MAF: variants seen among roughly 807,000 people sequenced by gnomAD.
The protein encoded by MAF is MAF bZIP transcription factor, also known as transcription factor Maf.
In MAF, 10 loss-of-function variants were observed where a neutral mutation model predicts 22.0. The ratio of observed to expected loss-of-function variants is 0.45; its 90% CI spans 0.28 to 0.77. MAF has a LOEUF of 0.77. Ranked by LOEUF, MAF falls within the 30% of genes least tolerant of loss-of-function variation. The probability of loss-of-function intolerance (pLI) is 0.12; values close to 1 mark genes in which losing one functional copy is unlikely to be tolerated. For synonymous variants in MAF, 337 were observed against 255.8 expected (o/e 1.32, Z -3.03); for missense variants, 544 against 548.4 (o/e 0.99, Z 0.08).
chr16:79,245,513 T>C, the MAF span, among the ~76,000 whole-genome samples: 6 of 151,972 alleles, frequency 3.9e-5, no homozygotes, highest in Admixed American at 6.6e-5. Context: ...TGAGATACCA[T>C]CTCACACCAG....
At chr16:79,557,412 C>T in the MAF span, among the ~76,000 whole-genome samples, 1 of 152,010 alleles carries the variant, frequency 6.6e-6, no homozygotes, top group Admixed American at 6.5e-5. Flanking sequence ...AAAAACAGCT[C>T]TGGCCATGAG....
At chr16:79,318,117 T>A in the MAF span, among the ~76,000 whole-genome samples, 1 of 152,184 alleles carries the variant, frequency 6.6e-6, no homozygotes, top group Non-Finnish European at 1.5e-5. Flanking sequence ...ATGTGAGAAA[T>A]CTCTCTTTTG....
At chr16:79,419,614 G>A in the MAF span, among the ~76,000 whole-genome samples, 53 of 152,248 alleles carry the variant, frequency 3.5e-4, no homozygotes, top group East Asian at 9.5e-3. Flanking sequence ...AACAAGATCT[G>A]ACCCGTTCCT....
At chr16:79,502,708 A>AATATAAATATATATATATAT in the MAF span, among the ~76,000 whole-genome samples, 5 of 34,002 alleles carry the variant, frequency 1.5e-4, no homozygotes, top group Non-Finnish European at 1.1e-4. Context: ...TATAAATATA[A>AATATAAATATATATATATAT]ATATATATAT....
At chr16:79,522,656 A>C in the MAF span, among the ~76,000 whole-genome samples, 1 of 152,210 alleles carries the variant, frequency 6.6e-6, no homozygotes, top group Non-Finnish European at 1.5e-5. Flanking sequence ...TGAATGTTGC[A>C]TGCAGGGTCC....
the MAF span, among the ~76,000 whole-genome samples, chr16:79,391,664 G>C: frequency 0.082 from 12,406 of 152,078 alleles, 1,316 homozygotes; most frequent in African/African-American, 0.25. Flanking sequence ...ACGCTGAAAC[G>C]TAGGTGGGCA....
chr16:79,210,527 C>G, the MAF span, among the ~76,000 whole-genome samples: 5 of 152,178 alleles, frequency 3.3e-5, no homozygotes, highest in Non-Finnish European at 7.3e-5. Flanking sequence ...TGGGGGCGAG[C>G]TTATCTTCAG....
the MAF span, among the ~76,000 whole-genome samples, chr16:79,385,992 C>G: frequency 6.6e-6 from 1 of 152,172 alleles, no homozygotes; most frequent in Non-Finnish European, 1.5e-5. Flanking sequence ...CTTTCTTAGG[C>G]TCTGAGGGTT....
At chr16:79,549,262 T>C in the MAF span, among the ~76,000 whole-genome samples, 1 of 152,072 alleles carries the variant, frequency 6.6e-6, no homozygotes, top group Non-Finnish European at 1.5e-5. Flanking sequence ...GAGTGATACA[T>C]CAGCTCATTG....
chr16:79,477,157 G>C, the MAF span, among the ~76,000 whole-genome samples: 4 of 152,174 alleles, frequency 2.6e-5, no homozygotes, highest in South Asian at 2.1e-4. Flanking sequence ...ACGTTAATTT[G>C]AACTTGGCAA....
chr16:79,572,381 C>CT, the MAF span, among the ~76,000 whole-genome samples: 1 of 152,138 alleles, frequency 6.6e-6, no homozygotes, highest in African/African-American at 2.4e-5. Context: ...TCCCCCAACA[C>CT]TTTTGGCTGT....
the MAF span, among the ~76,000 whole-genome samples, chr16:79,248,089 G>A: frequency 6.6e-6 from 1 of 151,776 alleles, no homozygotes; most frequent in African/African-American, 2.4e-5. Context: ...TCACCCTCAT[G>A]TCGGGATTAA....
chr16:79,526,156 G>A, the MAF span, among the ~76,000 whole-genome samples: 2 of 152,168 alleles, frequency 1.3e-5, no homozygotes, highest in African/African-American at 2.4e-5. Context: ...GAGAAATGGC[G>A]TTAGACCAGC....
At chr16:79,567,720 G>A in the MAF span, among the ~76,000 whole-genome samples, 1 of 152,210 alleles carries the variant, frequency 6.6e-6, no homozygotes, top group African/African-American at 2.4e-5. Flanking sequence ...GCAGCTCAGT[G>A]ATCTGCATTT....
At chr16:79,421,840 C>T in the MAF span, among the ~76,000 whole-genome samples, 5 of 152,206 alleles carry the variant, frequency 3.3e-5, no homozygotes, top group East Asian at 5.8e-4. Flanking sequence ...TTCAGTGGCA[C>T]AATCTCAGCT....
chr16:79,401,401 C>T, the MAF span, among the ~76,000 whole-genome samples: 2 of 152,152 alleles, frequency 1.3e-5, no homozygotes, highest in East Asian at 1.9e-4. Flanking sequence ...ACAGGAAATG[C>T]AGCTCAGAGA....
At chr16:79,550,929 G>A in the MAF span, among the ~76,000 whole-genome samples, 4 of 152,144 alleles carry the variant, frequency 2.6e-5, no homozygotes, top group Non-Finnish European at 4.4e-5. Context: ...AGCATATGGG[G>A]CCACTGCAGA....
At chr16:79,461,322 A>C in the MAF span, among the ~76,000 whole-genome samples, 1 of 152,124 alleles carries the variant, frequency 6.6e-6, no homozygotes, top group Non-Finnish European at 1.5e-5. Context: ...TTTTTTGCTT[A>C]TAACCAGTCT....
the MAF span, among the ~76,000 whole-genome samples, chr16:79,423,574 C>T: frequency 6.6e-6 from 1 of 152,184 alleles, no homozygotes. Context: ...AATACAGTCA[C>T]ACTCACTGGT....
Sources: allele counts gnomAD v4.1 joint callset (sites outside exome capture counted in the v4.1 genomes callset), GRCh38; gene constraint gnomAD v4.1.1; transcripts MANE v1.5; gene names NCBI Gene and HGNC (gene_info 2026-07-23, HGNC 2026-07-21).